Variants in SLC15A2 observed in about 807,000 individuals in gnomAD.
The protein encoded by SLC15A2 is kidney H(+)/peptide cotransporter.
SLC15A2 carries 77 observed loss-of-function variants against 95.5 expected under a neutral mutation model. That is an observed-to-expected ratio of 0.81 (90% CI 0.67 to 0.97). SLC15A2 has a LOEUF of 0.97. Among genes scored for constraint, SLC15A2 ranks in the 50% least tolerant of loss-of-function variants. The pLI is 0.00. For synonymous variants in SLC15A2, 306 were observed against 306.9 expected (o/e 1.00, Z 0.03); for missense variants, 893 against 874.4 (o/e 1.02, Z -0.27).
At chr3:121,901,311 C>G (rs1709516069) in intron 3 of SLC15A2, among the ~76,000 whole-genome samples, 1 of 152,154 alleles carries the variant, frequency 6.6e-6, no homozygotes, top group Non-Finnish European at 1.5e-5. Flanking sequence ...GCCACTGTGC[C>G]CGGCTGTGAT....
intron 3 of SLC15A2, among the ~76,000 whole-genome samples, chr3:121,907,449 T>C (rs957129339): frequency 6.6e-6 from 1 of 152,254 alleles, no homozygotes; most frequent in Non-Finnish European, 1.5e-5. Flanking sequence ...TTTTAGAATT[T>C]TGAGCTTTTC....
In SLC15A2 at chr3:121,922,616, A is replaced by G. The variant is rs192399126; in HGVS notation, c.781-159A>G. Among the ~76,000 whole-genome samples the G allele has an allele frequency of 2.2e-3, 335 of 152,306 alleles. 1 individual carries two copies. Among genetic ancestry groups the G allele is most frequent in the Non-Finnish European group, 3.9e-3 (266 of 68,030 alleles). ...AGTTCTTTCTTAAAGTGATAGATAA[A>G]ATTATATCAGAAATATTCTGAAATT... On this transcript the variant is annotated intron_variant, in intron 8 of 21. Transcript: ENST00000489711.
At position 121,894,456 on chromosome 3, in the gene SLC15A2, A is replaced by G; in HGVS notation, c.-21A>G. Reference sequence around the variant, plus strand: ...ACTAAAGCCAAATGCTTGAGGAGAGAGAGAGAGTAAGGAGCCAGCCATGAA... The same window carrying G: ...ACTAAAGCCAAATGCTTGAGGAGAGGGAGAGAGTAAGGAGCCAGCCATGAA... On this transcript the variant is annotated 5_prime_UTR_variant, in exon 1 of 22. Transcript: ENST00000489711. 1 of 1,598,440 alleles carries G rather than the reference A, an allele frequency of 6.3e-7. No individual in the cohort carries two copies. The highest frequency in any genetic ancestry group is 8.6e-7 in the Non-Finnish European group (1 of 1,167,936).
In SLC15A2 at chr3:121,897,512, G is replaced by A. The variant is rs575722222; in HGVS notation, c.318G>A (p.Ser106=). The change falls in exon 3 of 22, where the codon TCG becomes TCA. Residue 106 remains serine, a synonymous_variant. Coordinates refer to ENST00000489711, the MANE Select transcript of SLC15A2 (RefSeq NM_021082.4). ...TPILGAAIAD[S]WLGKFKTIIY... is the part of the protein sequence containing the mutation. ...TCCTGGGAGCAGCCATTGCTGACTCGTGGTTGGGAAAATTCAAGTAAGGAA... is the reference window on the plus strand; with the variant it reads ...TCCTGGGAGCAGCCATTGCTGACTCATGGTTGGGAAAATTCAAGTAAGGAA... The A allele has an allele frequency of 1.4e-5, 23 of 1,613,812 alleles. No homozygotes were observed. Among genetic ancestry groups the A allele is most frequent in the South Asian group, 3.3e-5 (3 of 91,064 alleles).
intron 5 of SLC15A2, chr3:121,914,890 A>C: frequency 1.2e-5 from 6 of 499,886 alleles, no homozygotes; most frequent in Non-Finnish European, 1.6e-5. Context: ...AAACACACAC[A>C]TGAAATAAAA....
At chr3:121,932,368 G>A (rs1710250654) in intron 19 of SLC15A2, among the ~76,000 whole-genome samples, 1 of 152,180 alleles carries the variant, frequency 6.6e-6, no homozygotes. Flanking sequence ...TCAAACACAA[G>A]TTATTTATGA....
Position 121,914,847 on chromosome 3 carries a change from G to C in SLC15A2, c.529-380G>C, listed in dbSNP as rs553071826. ...CATTCCAGCCTGGGCGGCAGAGTGA[G>C]ACTCCATCTCAAAAAAAAAAAAAAA... On this transcript the variant is annotated intron_variant, in intron 5 of 21. Coordinates refer to ENST00000489711, the MANE Select transcript of SLC15A2 (RefSeq NM_021082.4). 1.7e-3 allele frequency: 365 copies of C among 219,578 alleles called. 1 individual carries two copies. Among genetic ancestry groups the C allele is most frequent in the Admixed American group, 3.0e-3 (25 of 8,316 alleles). 13.6% of individuals were successfully genotyped at this position (219,578 alleles called of 1,614,324 possible).
chr3:121,911,689 C>G (rs1709770917), intron 4 of SLC15A2, 23 bp downstream of exon 4: 1 of 1,399,072 alleles, frequency 7.1e-7, no homozygotes, highest in African/African-American at 1.4e-5. Flanking sequence ...ATGGAATCAA[C>G]TAAACTACTT....
At chr3:121,902,665 C>T (rs1313910337) in intron 3 of SLC15A2, among the ~76,000 whole-genome samples, 2 of 152,194 alleles carry the variant, frequency 1.3e-5, no homozygotes, top group African/African-American at 4.8e-5. Context: ...CAGCTTCATC[C>T]ATGTCCCTGC....
intron 7 of SLC15A2, among the ~76,000 whole-genome samples, 155 bp from the exon 8 acceptor site, chr3:121,922,065 T>G (rs2332044): frequency 0.45 from 67,838 of 152,038 alleles, 15,665 homozygotes; most frequent in East Asian, 0.69. Flanking sequence ...CAGTTCAGCA[T>G]TCTGTCCTTA....
At chr3:121,896,552 G>T (rs1709417152) in intron 2 of SLC15A2, 59 bp downstream of exon 2, 2 of 1,299,462 alleles carry the variant, frequency 1.5e-6, no homozygotes, top group Non-Finnish European at 1.1e-6. Flanking sequence ...CCCCATGTTT[G>T]TGACAGCCTG....
At chr3:121,924,581 G>C (rs1049706196) in intron 12 of SLC15A2, among the ~76,000 whole-genome samples, 198 bp downstream of exon 12, 4 of 141,386 alleles carry the variant, frequency 2.8e-5, no homozygotes, top group Non-Finnish European at 6.2e-5. Context: ...ACTTGCAACG[G>C]GTTAAGTGTA....
At chr3:121,924,506 C>G (rs1209024818) in intron 12 of SLC15A2, 123 bp downstream of exon 12, 2 of 894,656 alleles carry the variant, frequency 2.2e-6, no homozygotes, top group Non-Finnish European at 3.6e-6. Context: ...AAGGGCCAAG[C>G]TTCGACATGA....
chr3:121,934,238 C>T (rs1225879772), intron 19 of SLC15A2, among the ~76,000 whole-genome samples: 4 of 152,116 alleles, frequency 2.6e-5, no homozygotes, highest in Non-Finnish European at 4.4e-5. Flanking sequence ...ATTGACTTGG[C>T]AATGCGGGCT....
Position 121,938,491 on chromosome 3 carries a change from A to T in SLC15A2, c.1762-858A>T, listed in dbSNP as rs1410439043. On this transcript the variant is annotated intron_variant, in intron 19 of 21. Transcript: ENST00000489711. The stretch of plus-strand genomic sequence containing the variant: ...GTGCGCCGTTTTTTAAGCCCGTCGG[A>T]AAAGCGCAGTATTCCGGTGGGAGTG... Among the ~76,000 whole-genome samples, 7 of 152,120 alleles carry T rather than the reference A, an allele frequency of 4.6e-5. 1 individual carries two copies. Among genetic ancestry groups the T allele is most frequent in the Admixed American group, 4.6e-4 (7 of 15,268 alleles).
intron 19 of SLC15A2, among the ~76,000 whole-genome samples, chr3:121,935,077 C>T (rs1465283523): frequency 2.0e-5 from 3 of 152,106 alleles, no homozygotes; most frequent in Admixed American, 6.5e-5. Flanking sequence ...TATTGATTTT[C>T]GTATATTGAA....
chr3:121,894,888 G>T (rs943240298), intron 1 of SLC15A2, among the ~76,000 whole-genome samples: 1 of 152,172 alleles, frequency 6.6e-6, no homozygotes, highest in African/African-American at 2.4e-5. Flanking sequence ...AAGCATTCTT[G>T]TCTGAAGAAC....
chr3:121,912,017 C>T (rs551724076), intron 4 of SLC15A2, among the ~76,000 whole-genome samples: 142 of 152,260 alleles, frequency 9.3e-4, no homozygotes, highest in African/African-American at 3.1e-3. Context: ...AGAAGTCATA[C>T]TCAAAGCTTT....
chr3:121,922,708 A>G (rs1710030146), intron 8 of SLC15A2, 67 bp from the exon 9 acceptor site: 6 of 1,140,590 alleles, frequency 5.3e-6, no homozygotes, highest in African/African-American at 1.5e-5. Context: ...GGAAGGTATA[A>G]TAAGTTGGAA....
Sources: allele counts gnomAD v4.1 joint callset (sites outside exome capture counted in the v4.1 genomes callset), GRCh38; gene constraint gnomAD v4.1.1; transcripts MANE v1.5; gene names NCBI Gene and HGNC (gene_info 2026-07-23, HGNC 2026-07-21).